Variants in SLC24A2 observed in about 807,000 individuals in gnomAD.
SLC24A2 encodes the protein solute carrier family 24 member 2, also known as sodium/potassium/calcium exchanger 2.
Under a neutral mutation model 62.0 loss-of-function variants are expected in SLC24A2, and 36 were observed. The ratio of observed to expected loss-of-function variants is 0.58; its 90% confidence interval spans 0.44 to 0.77. SLC24A2 has a LOEUF of 0.77. SLC24A2 is among the 30% of genes least tolerant of loss of function. The pLI, the probability that SLC24A2 is intolerant of heterozygous loss-of-function variation, is 0.00. For synonymous variants in SLC24A2, 358 were observed against 294.0 expected (o/e 1.22, Z -2.23); for missense variants, 846 against 817.9 (o/e 1.03, Z -0.42).
intron 2 of SLC24A2, among the ~76,000 whole-genome samples, chr9:19,735,873 G>T (rs1031277891): frequency 6.6e-6 from 1 of 151,948 alleles, no homozygotes; most frequent in African/African-American, 2.4e-5. Flanking sequence ...TGGGGGGAAG[G>T]GGGAGGATAG....
At chr9:19,692,869 T>C (rs1474604187) in intron 2 of SLC24A2, among the ~76,000 whole-genome samples, 2 of 152,162 alleles carry the variant, frequency 1.3e-5, no homozygotes, top group Non-Finnish European at 2.9e-5. Context: ...ACGTTTACAA[T>C]TAGCAAATTG....
At chr9:19,554,844 C>T (rs1835003302) in intron 7 of SLC24A2, among the ~76,000 whole-genome samples, 1 of 152,162 alleles carries the variant, frequency 6.6e-6, no homozygotes, top group African/African-American at 2.4e-5. Flanking sequence ...GTGCCCTGGA[C>T]TGCCTATACT....
rs1437417841 is a variant in SLC24A2, at chr9:19,507,879, A to G, written c.*8274T>C. The G allele has an allele frequency of 6.6e-6, 1 of 152,240 alleles. No homozygotes were observed. Among genetic ancestry groups the G allele is most frequent in the Non-Finnish European group, 1.5e-5 (1 of 68,040 alleles). The allele number at this position is 152,240 out of a possible 1,614,324, so 9.4% of individuals were successfully genotyped here. ...GGAAGCATGAGACCACGTCTATCCTAAAAAAGATCCTTTACAAAAATGGCA... is the reference window on the plus strand; with the variant it reads ...GGAAGCATGAGACCACGTCTATCCTGAAAAAGATCCTTTACAAAAATGGCA... On this transcript the variant is annotated 3_prime_UTR_variant, in exon 11 of 11. Coordinates refer to ENST00000341998, the MANE Select transcript of SLC24A2 (RefSeq NM_020344.4).
In SLC24A2 at chr9:19,533,067, A is replaced by T. The variant is rs528048813; in HGVS notation, c.1480-4929T>A. Among the ~76,000 whole-genome samples the T allele has an allele frequency of 3.6e-3, 547 of 152,356 alleles. 1 individual carries two copies. The Middle Eastern group carries it at 0.061, about 17-fold the overall frequency. On this transcript the variant is annotated intron_variant, in intron 8 of 10. Transcript: ENST00000341998. ...CATATTAATTATGTGAGCTGAAATT[A>T]TGCATGGTTCAACAAACACTGTCAT...
At chr9:19,828,220 C>T in the SLC24A2 span, among the ~76,000 whole-genome samples, 1 of 151,864 alleles carries the variant, frequency 6.6e-6, no homozygotes, top group Non-Finnish European at 1.5e-5. Context: ...TATTCAGTAG[C>T]ACAACAGAGT....
intron 10 of SLC24A2, among the ~76,000 whole-genome samples, chr9:19,519,349 T>TTTTG (rs1833082808): frequency 3.4e-5 from 5 of 147,582 alleles, no homozygotes; most frequent in African/African-American, 7.5e-5. Flanking sequence ...TTAAACTTCC[T>TTTTG]TGTGTGTGTG....
intron 7 of SLC24A2, among the ~76,000 whole-genome samples, chr9:19,552,827 GC>G (rs757080759): frequency 6.6e-6 from 1 of 152,202 alleles, no homozygotes; most frequent in Non-Finnish European, 1.5e-5. Flanking sequence ...GGCAGGCATT[GC>G]CACTAGCAAA....
At chr9:19,704,144 C>G (rs983885438) in intron 2 of SLC24A2, among the ~76,000 whole-genome samples, 1 of 151,840 alleles carries the variant, frequency 6.6e-6, no homozygotes, top group Non-Finnish European at 1.5e-5. Flanking sequence ...ATACCTGGAA[C>G]TTGTTAAGAT....
At chr9:20,214,885 A>G in the SLC24A2 span, among the ~76,000 whole-genome samples, 2 of 152,182 alleles carry the variant, frequency 1.3e-5, no homozygotes, top group Non-Finnish European at 2.9e-5. Flanking sequence ...ACCATAGTAT[A>G]ATATAACATA....
the SLC24A2 span, among the ~76,000 whole-genome samples, chr9:20,160,725 T>C: frequency 6.6e-6 from 1 of 151,076 alleles, no homozygotes; most frequent in South Asian, 2.1e-4. Context: ...GATAAAAACC[T>C]ACGTATTAGA....
the SLC24A2 span, among the ~76,000 whole-genome samples, chr9:20,149,610 T>C: frequency 6.6e-6 from 1 of 152,092 alleles, no homozygotes; most frequent in Non-Finnish European, 1.5e-5. Context: ...CAAGTTAAAA[T>C]GGCTGTGTTC....
chr9:20,008,944 T>G, the SLC24A2 span, among the ~76,000 whole-genome samples: 1 of 152,088 alleles, frequency 6.6e-6, no homozygotes, highest in South Asian at 2.1e-4. Context: ...AAGAATACCA[T>G]CCTGAATATC....
At chr9:19,863,447 G>A in the SLC24A2 span, among the ~76,000 whole-genome samples, 22 of 151,804 alleles carry the variant, frequency 1.4e-4, no homozygotes, top group African/African-American at 5.3e-4. Flanking sequence ...ATCATTCTCA[G>A]AGAGAGACCA....
intron 5 of SLC24A2, among the ~76,000 whole-genome samples, chr9:19,580,610 C>T (rs1413226302): frequency 1.3e-5 from 2 of 152,232 alleles, no homozygotes; most frequent in African/African-American, 4.8e-5. Flanking sequence ...TCCCAAGTCA[C>T]AAACTGTGAA....
intron 2 of SLC24A2, among the ~76,000 whole-genome samples, chr9:19,723,255 T>C (rs1270045566): frequency 6.6e-6 from 1 of 152,164 alleles, no homozygotes; most frequent in African/African-American, 2.4e-5. Context: ...TAGTGCTTTA[T>C]CTAGCAGTCA....
chr9:20,238,922 C>A, the SLC24A2 span, among the ~76,000 whole-genome samples: 1 of 152,222 alleles, frequency 6.6e-6, no homozygotes, highest in Non-Finnish European at 1.5e-5. Context: ...CCTGTCTCTT[C>A]TTCCTCCCTC....
chr9:19,913,463 T>G, the SLC24A2 span, among the ~76,000 whole-genome samples: 1 of 151,988 alleles, frequency 6.6e-6, no homozygotes, highest in East Asian at 1.9e-4. Context: ...TGTAAGGTGA[T>G]TTAGGGCTTG....
chr9:19,604,594 A>G (rs1295954871), intron 4 of SLC24A2, among the ~76,000 whole-genome samples: 3 of 152,188 alleles, frequency 2.0e-5, no homozygotes, highest in Non-Finnish European at 2.9e-5. Context: ...CAATAATATT[A>G]GAAAAATATC....
chr9:19,726,351 C>G (rs1821168405), intron 2 of SLC24A2, among the ~76,000 whole-genome samples: 1 of 152,138 alleles, frequency 6.6e-6, no homozygotes, highest in Non-Finnish European at 1.5e-5. Context: ...TCTATAAACT[C>G]TAGTTCTATA....
Sources: allele counts gnomAD v4.1 joint callset (sites outside exome capture counted in the v4.1 genomes callset), GRCh38; gene constraint gnomAD v4.1.1; transcripts MANE v1.5; gene names NCBI Gene and HGNC (gene_info 2026-07-23, HGNC 2026-07-21).